The following SPAG16 variants were observed in gnomAD, a reference collection of about 807,000 sequenced individuals.
The protein encoded by SPAG16 is sperm-associated antigen 16 protein.
SPAG16 carries 86 observed loss-of-function variants against 80.4 expected under a neutral mutation model. That is an observed-to-expected ratio of 1.07 (90% CI 0.90 to 1.28). The LOEUF is 1.28. SPAG16 is among the 50% of genes most tolerant of loss of function. The pLI is 0.00. For synonymous variants in SPAG16, 294 were observed against 265.9 expected (o/e 1.11, Z -1.03); for missense variants, 870 against 765.3 (o/e 1.14, Z -1.61).
chr2:213,979,661 G>A (rs1261019033), intron 12 of SPAG16, among the ~76,000 whole-genome samples: 1 of 152,026 alleles, frequency 6.6e-6, no homozygotes, highest in Admixed American at 6.6e-5. Flanking sequence ...CCTCTACCTG[G>A]TCCCTCCCTT....
intron 12 of SPAG16, among the ~76,000 whole-genome samples, chr2:213,952,844 G>T (rs1019310914): frequency 1.3e-5 from 2 of 152,078 alleles, no homozygotes; most frequent in Admixed American, 6.5e-5. Flanking sequence ...AAAGCTCCCT[G>T]TCAAAAGACA....
At chr2:213,795,588 G>A (rs886872861) in intron 10 of SPAG16, among the ~76,000 whole-genome samples, 1 of 152,074 alleles carries the variant, frequency 6.6e-6, no homozygotes, top group African/African-American at 2.4e-5. Context: ...CTGGATCTTT[G>A]TCACCACCTA....
At chr2:214,102,292 AAGG>A (rs765559620) in intron 13 of SPAG16, among the ~76,000 whole-genome samples, 2 of 152,052 alleles carry the variant, frequency 1.3e-5, no homozygotes, top group Admixed American at 6.6e-5. Context: ...TACAATAAAT[AAGG>A]AGAAAAATTC....
At chr2:214,283,733 G>A (rs975386024) in intron 15 of SPAG16, among the ~76,000 whole-genome samples, 2 of 152,164 alleles carry the variant, frequency 1.3e-5, no homozygotes, top group African/African-American at 2.4e-5. Context: ...ATAGTTTTCT[G>A]TTTAATGAGC....
At chr2:213,840,875 G>T (rs2125754003) in intron 10 of SPAG16, among the ~76,000 whole-genome samples, 1 of 152,170 alleles carries the variant, frequency 6.6e-6, no homozygotes, top group African/African-American at 2.4e-5. Flanking sequence ...TTTCGTGGAA[G>T]AATACTGGAA....
intron 9 of SPAG16, 122 bp from the exon 10 acceptor site, chr2:213,489,841 A>T (rs2125726147): frequency 1.4e-6 from 1 of 691,012 alleles, no homozygotes; most frequent in Non-Finnish European, 2.1e-6. Context: ...GAAATGAAGG[A>T]CTTCATGTAA....
chr2:214,256,096 T>A (rs1450356022), intron 15 of SPAG16, among the ~76,000 whole-genome samples: 1 of 151,990 alleles, frequency 6.6e-6, no homozygotes. Flanking sequence ...CAGTTCCACA[T>A]CCTCACCATC....
intron 14 of SPAG16, among the ~76,000 whole-genome samples, chr2:214,147,309 T>C (rs1316931281): frequency 1.3e-5 from 2 of 152,178 alleles, no homozygotes; most frequent in Non-Finnish European, 2.9e-5. Flanking sequence ...TTTCACACAA[T>C]AACAATGATG....
At chr2:214,408,698 T>C (rs1702131651) in intron 15 of SPAG16, among the ~76,000 whole-genome samples, 1 of 152,168 alleles carries the variant, frequency 6.6e-6, no homozygotes, top group Non-Finnish European at 1.5e-5. Flanking sequence ...TTTCACAATA[T>C]ATCACTTACC....
At chr2:213,403,786 A>G (rs913389733) in intron 9 of SPAG16, among the ~76,000 whole-genome samples, 9 of 152,226 alleles carry the variant, frequency 5.9e-5, no homozygotes, top group Admixed American at 5.9e-4. Flanking sequence ...TGCAGATGAC[A>G]TGATTGTATA....
chr2:214,136,223 AC>A (rs960158588), intron 14 of SPAG16, among the ~76,000 whole-genome samples: 42 of 151,964 alleles, frequency 2.8e-4, no homozygotes, highest in Admixed American at 2.6e-3. Context: ...ACCATGCCCT[AC>A]TCTAACACTG....
intron 15 of SPAG16, among the ~76,000 whole-genome samples, chr2:214,377,668 AAAGTT>A (rs1559255289): frequency 6.6e-6 from 1 of 152,172 alleles, no homozygotes; most frequent in Non-Finnish European, 1.5e-5. Flanking sequence ...GGGGTAGTCA[AAAGTT>A]AAGTGTGGAA....
intron 10 of SPAG16, among the ~76,000 whole-genome samples, chr2:213,735,780 C>G (rs760354520): frequency 6.6e-6 from 1 of 152,206 alleles, no homozygotes. Flanking sequence ...GCTAGTCAGT[C>G]TCTGCCATGG....
chr2:214,014,746 T>C (rs2047499062), intron 13 of SPAG16, among the ~76,000 whole-genome samples: 1 of 152,236 alleles, frequency 6.6e-6, no homozygotes, highest in Admixed American at 6.5e-5. Context: ...TCATGACGTA[T>C]TTGATTAAAG....
At chr2:213,992,337 A>G (rs1349398135) in intron 12 of SPAG16, among the ~76,000 whole-genome samples, 3 of 152,178 alleles carry the variant, frequency 2.0e-5, no homozygotes, top group African/African-American at 7.2e-5. Context: ...GTTTGCATTT[A>G]TGGTCGTCAC....
intron 15 of SPAG16, among the ~76,000 whole-genome samples, chr2:214,179,421 T>C (rs1214192865): frequency 4.0e-5 from 6 of 151,482 alleles, no homozygotes; most frequent in Middle Eastern, 3.2e-3. Flanking sequence ...ACCTGTAGTC[T>C]TGTCAGTTTA....
In SPAG16 at chr2:214,075,473, C is replaced by T. The variant is rs148511718; in HGVS notation, c.1528-32723C>T. Among the ~76,000 whole-genome samples the T allele has an allele frequency of 2.3e-4, 35 of 152,054 alleles. 1 individual carries two copies. The highest frequency in any genetic ancestry group is 1.7e-3 in the Admixed American group (26 of 15,266). On this transcript the variant is annotated intron_variant, in intron 13 of 15. Transcript: ENST00000331683. ...GGGCATGAAGGAGGCTTCTGGACGCCGTAATGATCTACAAGTCAACTTAGG... is the reference window on the plus strand; with the variant it reads ...GGGCATGAAGGAGGCTTCTGGACGCTGTAATGATCTACAAGTCAACTTAGG...
At chr2:214,367,104 G>A (rs1399807821) in intron 15 of SPAG16, among the ~76,000 whole-genome samples, 2 of 152,102 alleles carry the variant, frequency 1.3e-5, no homozygotes, top group Non-Finnish European at 2.9e-5. Flanking sequence ...AGTTGGCAGA[G>A]ACAAAATTCT....
At chr2:213,862,723 C>T in intron 11 of SPAG16, 95 bp downstream of exon 11, 1 of 1,387,946 alleles carries the variant, frequency 7.2e-7, no homozygotes, top group East Asian at 2.3e-5. Flanking sequence ...TGATGTTTTT[C>T]TTTCTGCAAC....
Sources: allele counts gnomAD v4.1 joint callset (sites outside exome capture counted in the v4.1 genomes callset), GRCh38; gene constraint gnomAD v4.1.1; transcripts MANE v1.5; gene names NCBI Gene and HGNC (gene_info 2026-07-23, HGNC 2026-07-21).